The following SIK3 variants were observed in gnomAD, a reference collection of about 807,000 sequenced individuals.
SIK3 encodes serine/threonine-protein kinase SIK3.
Under a neutral mutation model 144.2 loss-of-function variants are expected in SIK3, and 28 were observed. That is an observed-to-expected ratio of 0.19 (90% confidence interval 0.14 to 0.27). The LOEUF (loss-of-function observed/expected upper bound fraction) is 0.27, where lower values mean the gene tolerates loss of function less well. Ranked by LOEUF, SIK3 falls within the 10% of genes least tolerant of loss-of-function variation. The pLI, the probability that SIK3 is intolerant of heterozygous loss-of-function variation, is 1.00. For synonymous variants in SIK3, 686 were observed against 676.3 expected (o/e 1.01, Z -0.22); for missense variants, 1,319 against 1,776.0 (o/e 0.74, Z 4.62).
At chr11:116,939,916 T>C (rs1591377960) in intron 3 of SIK3, among the ~76,000 whole-genome samples, 1 of 152,218 alleles carries the variant, frequency 6.6e-6, no homozygotes, top group Non-Finnish European at 1.5e-5. Context: ...TTCAACTCAA[T>C]GGATGTATGG....
intron 1 of SIK3, among the ~76,000 whole-genome samples, chr11:117,040,748 A>G (rs1388361736): frequency 6.6e-6 from 1 of 152,196 alleles, no homozygotes; most frequent in African/African-American, 2.4e-5. Context: ...AGATAAGATT[A>G]GGGACCAGAT....
At chr11:116,877,976 C>T (rs12279594) in intron 6 of SIK3, among the ~76,000 whole-genome samples, 1 of 152,182 alleles carries the variant, frequency 6.6e-6, no homozygotes, top group South Asian at 2.1e-4. Context: ...AAACCAGGCA[C>T]AGGGAGGTAA....
chr11:117,095,437 C>G (rs1414357362), intron 1 of SIK3, among the ~76,000 whole-genome samples: 1 of 152,074 alleles, frequency 6.6e-6, no homozygotes, highest in Non-Finnish European at 1.5e-5. Flanking sequence ...AAATAACTCT[C>G]TGTTTCCAAA....
chr11:117,031,944 G>A (rs569571857), intron 1 of SIK3, among the ~76,000 whole-genome samples: 2 of 152,112 alleles, frequency 1.3e-5, no homozygotes. Context: ...TTACAGGTAT[G>A]TAAGTTATAT....
intron 21 of SIK3, 21 bp downstream of exon 21, chr11:116,857,789 C>T (rs772638984): frequency 1.9e-6 from 3 of 1,612,434 alleles, no homozygotes; most frequent in Non-Finnish European, 2.5e-6. Flanking sequence ...CCCAGGACTT[C>T]CACTGTGAGG....
intron 16 of SIK3, among the ~76,000 whole-genome samples, chr11:116,862,798 G>A (rs377670179): frequency 3.9e-5 from 6 of 152,200 alleles, no homozygotes; most frequent in Non-Finnish European, 8.8e-5. Flanking sequence ...TGCCAGGCGC[G>A]CAAGGTGGCT....
rs1369296382 is a variant in SIK3, at chr11:116,867,099, TTGCTTTTCAACCTTCCCAAGGC to T, written c.1952+825_1952+846del. On this transcript the variant is annotated intron_variant, in intron 15 of 24. Coordinates refer to ENST00000445177, the MANE Select transcript of SIK3 (RefSeq NM_001366686.3). The surrounding 1 kb of genome is among the most constrained non-coding windows in gnomAD (Gnocchi z 4.1). ...TAAACCTAGTTTCCTTGGAATCTGA[TTGCTTTTCAACCTTCCCAAGGC>T]TGCTTTTCAGTGTCCTCCCCAAAAG... 6.6e-6 allele frequency among the ~76,000 whole-genome samples: 1 copy of T among 152,200 alleles called. No individual in the cohort carries two copies. Among genetic ancestry groups the T allele is most frequent in the Non-Finnish European group, 1.5e-5 (1 of 68,030 alleles).
chr11:116,919,576 G>A (rs932610187), intron 4 of SIK3, among the ~76,000 whole-genome samples: 1 of 152,120 alleles, frequency 6.6e-6, no homozygotes. Context: ...TTCTTATAAC[G>A]TCTAAGCATT....
At position 116,859,608 on chromosome 11, in the gene SIK3, G is replaced by A. The variant is rs1943197168; in HGVS notation, c.2426-4C>T. The stretch of plus-strand genomic sequence containing the variant: ...AACTGGGAAGAAGATGCAGCCCCTG[G>A]AGAGAAAGGAACCTCAGAGTGACCA... On this transcript the variant is annotated splice_region_variant and splice_polypyrimidine_tract_variant and intron_variant, in intron 19 of 24. Coordinates refer to ENST00000445177, the MANE Select transcript of SIK3 (RefSeq NM_001366686.3). 6.2e-7 allele frequency: 1 copy of A among 1,611,998 alleles called. No homozygotes were observed. The highest frequency in any genetic ancestry group is 8.5e-7 in the Non-Finnish European group (1 of 1,178,846).
intron 1 of SIK3, among the ~76,000 whole-genome samples, chr11:117,094,506 G>A (rs930812463): frequency 1.6e-4 from 24 of 152,140 alleles, no homozygotes; most frequent in African/African-American, 5.8e-4. Flanking sequence ...TACTTAGGAA[G>A]CTGAGGCAGG....
At chr11:116,982,568 G>A (rs564409468) in intron 1 of SIK3, among the ~76,000 whole-genome samples, 37 of 152,138 alleles carry the variant, frequency 2.4e-4, no homozygotes, top group East Asian at 3.9e-4. Flanking sequence ...GATTACAGGC[G>A]TGCGCCACTA....
intron 5 of SIK3, 141 bp downstream of exon 5, chr11:116,897,052 G>T: frequency 8.5e-6 from 6 of 706,658 alleles, no homozygotes; most frequent in South Asian, 2.5e-5. Flanking sequence ...AAAAGGCTTT[G>T]CACAGGAATT....
chr11:117,045,327 A>C (rs1283275566), intron 1 of SIK3, among the ~76,000 whole-genome samples: 1 of 152,152 alleles, frequency 6.6e-6, no homozygotes, highest in African/African-American at 2.4e-5. Context: ...GTACTACAAG[A>C]GTATCAGTTT....
At chr11:117,031,069 T>C (rs1170079578) in intron 1 of SIK3, among the ~76,000 whole-genome samples, 1 of 152,214 alleles carries the variant, frequency 6.6e-6, no homozygotes, top group Non-Finnish European at 1.5e-5. Flanking sequence ...ATTGGATATG[T>C]GGTTCAAAAA....
At position 117,098,320 on chromosome 11, in the gene SIK3, C is replaced by G; in HGVS notation, c.96G>C (p.Pro32=). The change falls in exon 1 of 25, where the codon CCG becomes CCC. Residue 32 remains proline, a synonymous_variant. Coordinates refer to ENST00000445177, the MANE Select transcript of SIK3 (RefSeq NM_001366686.3). ...CGGCAGCGGGGGCGGCTGGGGACCC[C>G]GGCGCGGGCGGAGGCAGCAGGCGGC... The part of the protein sequence containing the change: ...PAGRLLPPPA[P]GSPAAPAAVS... 1 of 1,157,236 alleles carries G rather than the reference C, an allele frequency of 8.6e-7. No homozygotes were observed. The highest frequency in any genetic ancestry group is 1.1e-6 in the Non-Finnish European group (1 of 943,358). The allele number at this position is 1,157,236 out of a possible 1,614,324, so 71.7% of individuals were successfully genotyped here. A position where few individuals can be genotyped will look rare whatever the true frequency, so the allele number is the denominator to read the frequency against.
chr11:117,026,943 G>A (rs1387987072), intron 1 of SIK3, among the ~76,000 whole-genome samples: 1 of 152,150 alleles, frequency 6.6e-6, no homozygotes, highest in Admixed American at 6.5e-5. Context: ...TACAAGTAAG[G>A]GGGTAAAAAC....
At chr11:116,965,009 T>C (rs932198194) in intron 1 of SIK3, among the ~76,000 whole-genome samples, 1 of 152,204 alleles carries the variant, frequency 6.6e-6, no homozygotes, top group African/African-American at 2.4e-5. Context: ...AGTTCATGCA[T>C]TTCCAATGTC....
intron 1 of SIK3, among the ~76,000 whole-genome samples, chr11:117,006,938 G>C (rs1404408312): frequency 1.3e-5 from 2 of 152,108 alleles, no homozygotes; most frequent in East Asian, 3.9e-4. Flanking sequence ...AATGATCCTA[G>C]CAAAGCCACC....
At chr11:117,097,336 A>T (rs1210307486) in intron 1 of SIK3, among the ~76,000 whole-genome samples, 1 of 151,774 alleles carries the variant, frequency 6.6e-6, no homozygotes, top group Non-Finnish European at 1.5e-5. Context: ...AAAGCCCACA[A>T]TTCCCGACCC....
Sources: allele counts gnomAD v4.1 joint callset (sites outside exome capture counted in the v4.1 genomes callset), GRCh38; gene constraint gnomAD v4.1.1; non-coding constraint Gnocchi (gnomAD v3.1); transcripts MANE v1.5; gene names NCBI Gene and HGNC (gene_info 2026-07-23, HGNC 2026-07-21).